Variants in MALRD1 observed in about 807,000 individuals in gnomAD.
MALRD1 encodes the protein MAM and LDL-receptor class A domain-containing protein 1.
Under a neutral mutation model 242.1 loss-of-function variants are expected in MALRD1, and 247 were observed. The observed-to-expected ratio is 1.02, with a 90% CI of 0.92 to 1.13. The LOEUF is 1.13. Ranked by LOEUF, MALRD1 falls within the 50% of genes most tolerant of loss-of-function variation. The pLI, the probability that MALRD1 is intolerant of heterozygous loss-of-function variation, is 0.00. For synonymous variants in MALRD1, 995 were observed against 866.6 expected (o/e 1.15, Z -2.60); for missense variants, 2,989 against 2,533.1 (o/e 1.18, Z -3.86).
chr10:19,591,642 G>T (rs533184151), intron 33 of MALRD1, among the ~76,000 whole-genome samples: 1 of 152,178 alleles, frequency 6.6e-6, no homozygotes, highest in South Asian at 2.1e-4. Flanking sequence ...GGGATTACGG[G>T]CGTGTGCCAC....
At chr10:19,657,809 A>G (rs1452892150) in intron 36 of MALRD1, among the ~76,000 whole-genome samples, 1 of 152,204 alleles carries the variant, frequency 6.6e-6, no homozygotes, top group East Asian at 1.9e-4. Flanking sequence ...GAAGAATCAA[A>G]CAATATAGAT....
chr10:19,577,240 G>T (rs1331462260), intron 33 of MALRD1, among the ~76,000 whole-genome samples: 2 of 152,094 alleles, frequency 1.3e-5, no homozygotes, highest in Non-Finnish European at 2.9e-5. Context: ...AGGCAATCCT[G>T]ATTCACTTAT....
chr10:19,636,191 A>G (rs1840118064), intron 36 of MALRD1, among the ~76,000 whole-genome samples: 1 of 152,226 alleles, frequency 6.6e-6, no homozygotes, highest in Non-Finnish European at 1.5e-5. Context: ...GACAACAGAA[A>G]GAAAATACTA....
chr10:19,243,542 C>T lies in MALRD1; in HGVS notation c.2992-14142C>T, dbSNP rs149156625. Among the ~76,000 whole-genome samples the T allele has an allele frequency of 3.6e-4, 55 of 152,172 alleles. 2 individuals are homozygous for T. The highest frequency in any genetic ancestry group is 1.3e-3 in the African/African-American group (52 of 41,544). On this transcript the variant is annotated intron_variant, in intron 18 of 39. Coordinates refer to ENST00000454679, the MANE Select transcript of MALRD1 (RefSeq NM_001142308.3). The stretch of plus-strand genomic sequence containing the variant: ...ACCCTTAGAGATTGTGTATTATCCT[C>T]AGACGTAATTCTTTGATTTTTTTTT...
intron 28 of MALRD1, among the ~76,000 whole-genome samples, chr10:19,440,228 A>T (rs745447267): frequency 2.2e-4 from 34 of 152,130 alleles, no homozygotes; most frequent in Middle Eastern, 3.4e-3. Flanking sequence ...TCCATAGTCT[A>T]CTTATGTTTC....
intron 36 of MALRD1, among the ~76,000 whole-genome samples, chr10:19,626,204 A>G (rs1427667324): frequency 1.3e-5 from 2 of 152,062 alleles, no homozygotes; most frequent in African/African-American, 4.8e-5. Context: ...CATAGGAGAA[A>G]TCTAAAAGTC....
chr10:19,625,862 C>T (rs547505715), intron 36 of MALRD1, among the ~76,000 whole-genome samples: 1 of 152,136 alleles, frequency 6.6e-6, no homozygotes, highest in East Asian at 1.9e-4. Context: ...TCATTCTTTA[C>T]TAGGTGGAAT....
chr10:19,571,752 G>A (rs1053965446), intron 33 of MALRD1, among the ~76,000 whole-genome samples: 5 of 152,048 alleles, frequency 3.3e-5, no homozygotes, highest in Non-Finnish European at 7.4e-5. Context: ...ATGTGAAAAA[G>A]TCTATACCAT....
intron 30 of MALRD1, among the ~76,000 whole-genome samples, 168 bp from the exon 31 acceptor site, chr10:19,498,317 G>T (rs1016206746): frequency 6.6e-6 from 1 of 152,154 alleles, no homozygotes; most frequent in South Asian, 2.1e-4. Context: ...ACTGCTTCTA[G>T]ATCCTTCAAT....
chr10:19,710,420 C>G (rs896126415), intron 38 of MALRD1: 7 of 152,088 alleles, frequency 4.6e-5, no homozygotes, highest in Non-Finnish European at 7.3e-5. Flanking sequence ...ACTAATATCT[C>G]ATATTTCTTT....
chr10:19,116,064 G>T (rs985036118), intron 5 of MALRD1, among the ~76,000 whole-genome samples: 4 of 151,938 alleles, frequency 2.6e-5, no homozygotes, highest in African/African-American at 9.7e-5. Context: ...CCCCTTCCAA[G>T]ATATGAAATT....
chr10:19,161,545 A>G (rs1834408257), intron 12 of MALRD1, among the ~76,000 whole-genome samples: 1 of 62,928 alleles, frequency 1.6e-5, no homozygotes, highest in Admixed American at 2.0e-4. Flanking sequence ...TAAAGAAAAA[A>G]AAAGCAAAAA....
chr10:19,485,414 C>T (rs901475627), intron 29 of MALRD1, among the ~76,000 whole-genome samples: 5 of 152,074 alleles, frequency 3.3e-5, no homozygotes, highest in Admixed American at 2.6e-4. Flanking sequence ...GAGGCCAAGG[C>T]AGGCAGATCA....
chr10:19,491,524 G>C lies in MALRD1; in HGVS notation c.5037G>C (p.Glu1679Asp). Residue 1679 changes from glutamate (E) to aspartate (D), a missense_variant, in exon 30 of 40, where the codon GAG becomes GAC. Physicochemically the swap from Glu to Asp is conservative, Grantham distance 45. Coordinates refer to ENST00000454679, the MANE Select transcript of MALRD1 (RefSeq NM_001142308.3). ...IEFKNCTTVG[E>D]ISELCPEITD... ...TTTTTTGTTTTTCCCTAGTGGGAGAGATCTCTGAGCTTTGTCCGGAAATCA... is the reference window on the plus strand; with the variant it reads ...TTTTTTGTTTTTCCCTAGTGGGAGACATCTCTGAGCTTTGTCCGGAAATCA... The C allele has an allele frequency of 6.5e-7, 1 of 1,549,766 alleles. No individual in the cohort carries two copies. Among genetic ancestry groups the C allele is most frequent in the Non-Finnish European group, 8.7e-7 (1 of 1,146,722 alleles).
chr10:19,709,977 T>A (rs957399408), intron 38 of MALRD1, among the ~76,000 whole-genome samples: 1 of 152,130 alleles, frequency 6.6e-6, no homozygotes, highest in African/African-American at 2.4e-5. Context: ...AAATAACGTG[T>A]TGGGCAGGTG....
At chr10:19,156,468 T>G (rs954616231) in intron 12 of MALRD1, among the ~76,000 whole-genome samples, 4 of 151,600 alleles carry the variant, frequency 2.6e-5, no homozygotes, top group Non-Finnish European at 4.4e-5. Flanking sequence ...GAGCGTTTTT[T>G]TTTTTTTTTT....
At chr10:19,670,643 A>C (rs1026892837) in intron 36 of MALRD1, among the ~76,000 whole-genome samples, 1 of 152,146 alleles carries the variant, frequency 6.6e-6, no homozygotes, top group Non-Finnish European at 1.5e-5. Context: ...GCTGTTTCCA[A>C]CTTGGTCCTC....
rs772152812 is a variant in MALRD1 at position 19,204,947 on chromosome 10, A to G, written c.2260A>G (p.Met754Val). The G allele has an allele frequency of 3.2e-6, 5 of 1,550,342 alleles. No homozygotes were observed. The Admixed American group carries it at 7.8e-5, about 24-fold the overall frequency. The change falls in exon 17 of 40, where the codon ATG becomes GTG. Residue 754 changes from methionine to valine, a missense_variant. Physicochemically the swap from Met to Val is conservative, Grantham distance 21. Transcript: ENST00000454679. ...GGGAGCAGCTGAGCTGCAGCTACAT[A>G]TGGAAAATTCTCATGACTCAACAGT... ...SVGAAELQLHMENSHDSTVIW... is the reference protein window; with the variant it reads ...SVGAAELQLHVENSHDSTVIW...
At chr10:19,157,437 C>T (rs934702061) in intron 12 of MALRD1, among the ~76,000 whole-genome samples, 7 of 151,764 alleles carry the variant, frequency 4.6e-5, no homozygotes, top group Non-Finnish European at 8.8e-5. Flanking sequence ...TTAGTGGAGT[C>T]GGGGTTTCAC....
Sources: gnomAD v4.1 joint callset for allele counts (sites outside exome capture counted in the v4.1 genomes callset) on GRCh38, gnomAD v4.1.1 for gene constraint, MANE v1.5 for transcripts, NCBI Gene and HGNC (gene_info 2026-07-23, HGNC 2026-07-21) for gene names.